Variants in PLA2G4E observed in about 807,000 individuals in gnomAD.
The protein encoded by PLA2G4E is phospholipase A2 group IVE, also known as cytosolic phospholipase A2 epsilon.
A neutral mutation model predicts 109.1 loss-of-function variants in PLA2G4E; 84 were observed. The observed-to-expected ratio is 0.77, with a 90% CI of 0.65 to 0.92. The LOEUF (loss-of-function observed/expected upper bound fraction) is 0.92, where lower values mean the gene tolerates loss of function less well. Ranked by LOEUF, PLA2G4E falls within the 40% of genes least tolerant of loss-of-function variation. PLA2G4E has a pLI of 0.00. For missense variants in PLA2G4E, 1,057 were observed against 1,076.6 expected (o/e 0.98, Z 0.25); for synonymous variants, 469 against 436.1 (o/e 1.08, Z -0.94).
At position 42,001,130 on chromosome 15, in the gene PLA2G4E, G is replaced by C. The variant is rs1276400194; in HGVS notation, c.673+27C>G. On this transcript the variant is annotated intron_variant, in intron 7 of 19. Coordinates refer to ENST00000399518, the Ensembl canonical transcript of PLA2G4E. ...GGAAGCAGCTCCCCCTTGTCCCCCA[G>C]TAGGCAGAAAAGGCAAAACAGCTCA... is the stretch of plus-strand genomic sequence containing the variant. The C allele has an allele frequency of 5.6e-6, 9 of 1,595,952 alleles. 1 individual carries two copies. The highest frequency in any genetic ancestry group is 7.7e-6 in the Non-Finnish European group (9 of 1,163,760).
intron 1 of PLA2G4E, among the ~76,000 whole-genome samples, chr15:42,038,513 A>T (rs1398189399): frequency 6.6e-6 from 1 of 152,246 alleles, no homozygotes; most frequent in East Asian, 1.9e-4. Flanking sequence ...GATCCCTTGC[A>T]TAGGCAGTTC....
chr15:41,995,243 C>T, intron 12 of PLA2G4E, 117 bp downstream of exon 12: 3 of 1,364,410 alleles, frequency 2.2e-6, no homozygotes, highest in Non-Finnish European at 3.0e-6. Flanking sequence ...GGGCACTTCC[C>T]AGGCTTCAGG....
intron 6 of PLA2G4E, among the ~76,000 whole-genome samples, chr15:42,002,287 AGGT>A (rs2068429875): frequency 2.1e-5 from 3 of 140,790 alleles, no homozygotes; most frequent in Admixed American, 7.0e-5. Flanking sequence ...AAAAAAAAAA[AGGT>A]AAACTGTGCT....
chr15:42,012,574 T>C (rs969185044), intron 2 of PLA2G4E, among the ~76,000 whole-genome samples: 1 of 151,984 alleles, frequency 6.6e-6, no homozygotes, highest in Non-Finnish European at 1.5e-5. Flanking sequence ...AAGATCGGGC[T>C]CCCAAGGCCT....
chr15:42,002,899 A>G lies in PLA2G4E; in HGVS notation c.567-203T>C, dbSNP rs1274519388. On this transcript the variant is annotated intron_variant, in intron 5 of 19. Coordinates refer to ENST00000399518, the Ensembl canonical transcript of PLA2G4E. ...ACATTTGAAACAGAATGTCCAGGAA[A>G]AAAATAGATTTATAGGTTAGAAGAG... is the stretch of plus-strand genomic sequence containing the variant. Among the ~76,000 whole-genome samples, 3 of 152,244 alleles carry G rather than the reference A, an allele frequency of 2.0e-5. No homozygotes were observed. In the East Asian group the frequency reaches 5.8e-4, roughly 29 times the overall value.
intron 1 of PLA2G4E, among the ~76,000 whole-genome samples, chr15:42,027,615 C>T (rs1566848475): frequency 6.6e-6 from 1 of 152,182 alleles, no homozygotes; most frequent in African/African-American, 2.4e-5. Context: ...ACGTGACTGG[C>T]CGGATTCAAG....
At chr15:42,006,023 C>T (rs1266189447) in exon 4 of PLA2G4E, 1 of 1,613,984 alleles carries the variant, frequency 6.2e-7, no homozygotes, top group Non-Finnish European at 8.5e-7. Flanking sequence ...CGTGGGTTTT[C>T]TTTCGGAAAC....
In PLA2G4E at chr15:41,994,538, GT is replaced by G. The variant is rs112529855; in HGVS notation, c.1247+821del. On this transcript the variant is annotated intron_variant, in intron 12 of 19. Coordinates refer to ENST00000399518, the Ensembl canonical transcript of PLA2G4E. ...AAATGTTTATATGTTTTTTATTTTT[GT>G]TTTTTTTAAAGACAAGTCCTCCCTA... Among the ~76,000 whole-genome samples the G allele has an allele frequency of 5.7e-4, 86 of 151,966 alleles. 1 individual carries two copies. Among genetic ancestry groups the G allele is most frequent in the Middle Eastern group, 6.8e-3 (2 of 292 alleles).
At chr15:41,997,346 C>T in intron 10 of PLA2G4E, 87 bp from the exon 11 acceptor site, 1 of 1,358,566 alleles carries the variant, frequency 7.4e-7, no homozygotes, top group Non-Finnish European at 9.6e-7. Flanking sequence ...GACCTAGGCT[C>T]AAAGCCTACT....
chr15:42,005,122 T>A, intron 4 of PLA2G4E, 144 bp from the exon 5 acceptor site: 1 of 956,258 alleles, frequency 1.0e-6, no homozygotes, highest in Non-Finnish European at 1.6e-6. Flanking sequence ...GTGCTTGTGG[T>A]CTCCTCTGCC....
intron 2 of PLA2G4E, among the ~76,000 whole-genome samples, 174 bp downstream of exon 2, chr15:42,013,511 G>A (rs1376037063): frequency 6.6e-6 from 1 of 152,210 alleles, no homozygotes; most frequent in Non-Finnish European, 1.5e-5. Context: ...TACAACTTGA[G>A]TATAGAACAC....
intron 6 of PLA2G4E, among the ~76,000 whole-genome samples, chr15:42,001,444 T>A (rs552677744): frequency 2.0e-5 from 3 of 152,308 alleles, no homozygotes; most frequent in African/African-American, 7.2e-5. Flanking sequence ...CCAGGAGGTC[T>A]AGGACCCACG....
chr15:41,997,427 A>AG, intron 10 of PLA2G4E, 168 bp from the exon 11 acceptor site: 2 of 673,870 alleles, frequency 3.0e-6, no homozygotes, highest in Non-Finnish European at 4.6e-6. Context: ...AATCGTGCTG[A>AG]ACTCTCAGCA....
At chr15:41,990,617 A>AT (rs2068227857) in intron 13 of PLA2G4E, among the ~76,000 whole-genome samples, 1 of 151,614 alleles carries the variant, frequency 6.6e-6, no homozygotes, top group Admixed American at 6.6e-5. Flanking sequence ...TAGCATCTCC[A>AT]TTTTTTAAAA....
intron 1 of PLA2G4E, among the ~76,000 whole-genome samples, chr15:42,046,617 T>C (rs1889421133): frequency 6.6e-6 from 1 of 152,220 alleles, no homozygotes; most frequent in Non-Finnish European, 1.5e-5. Context: ...TAGTCAGATA[T>C]TTATTTACTG....
intron 1 of PLA2G4E, among the ~76,000 whole-genome samples, chr15:42,044,784 T>TAA (rs142655020): frequency 2.9e-4 from 42 of 146,598 alleles, no homozygotes; most frequent in African/African-American, 9.5e-4. Context: ...TAAAGTATAA[T>TAA]AAAAAAAAAA....
At chr15:41,987,421 C>T (rs993556229) in intron 16 of PLA2G4E, 46 bp from the exon 17 acceptor site, 46 of 1,566,616 alleles carry the variant, frequency 2.9e-5, no homozygotes, top group Non-Finnish European at 3.9e-5. Flanking sequence ...GAGGTGGAGT[C>T]CCCAGATTGC....
intron 1 of PLA2G4E, among the ~76,000 whole-genome samples, chr15:42,016,123 A>G (rs1299966605): frequency 6.6e-6 from 1 of 152,088 alleles, no homozygotes; most frequent in East Asian, 1.9e-4. Context: ...TACCTTTTTA[A>G]GAGGATTCAA....
chr15:42,004,147 C>T (rs571169388), intron 5 of PLA2G4E, among the ~76,000 whole-genome samples: 81 of 152,196 alleles, frequency 5.3e-4, no homozygotes, highest in African/African-American at 1.8e-3. Context: ...ACTAAAAATA[C>T]AAGAATTAGC....
Sources: allele counts gnomAD v4.1 joint callset (sites outside exome capture counted in the v4.1 genomes callset), GRCh38; gene constraint gnomAD v4.1.1; transcripts MANE v1.5; gene names NCBI Gene and HGNC (gene_info 2026-07-23, HGNC 2026-07-21).